RIMS1: variants seen among roughly 807,000 people sequenced by gnomAD.
The protein encoded by RIMS1 is regulating synaptic membrane exocytosis protein 1.
Under a neutral mutation model 214.1 loss-of-function variants are expected in RIMS1, and 83 were observed. The observed-to-expected ratio is 0.39, with a 90% CI of 0.32 to 0.47. The LOEUF is 0.47. Among genes scored for constraint, RIMS1 ranks in the 20% least tolerant of loss-of-function variants. The probability of loss-of-function intolerance (pLI) is 0.99; values close to 1 mark genes in which losing one functional copy is unlikely to be tolerated. For synonymous variants in RIMS1, 793 were observed against 786.8 expected (o/e 1.01, Z -0.13); for missense variants, 2,050 against 2,161.8 (o/e 0.95, Z 1.03).
At chr6:72,365,051 T>G (rs1375397114) in intron 29 of RIMS1, among the ~76,000 whole-genome samples, 2 of 152,242 alleles carry the variant, frequency 1.3e-5, no homozygotes, top group African/African-American at 4.8e-5. Context: ...TCCCGTAGTT[T>G]TCTACCCAGA....
intron 2 of RIMS1, among the ~76,000 whole-genome samples, chr6:71,973,981 C>G (rs927400581): frequency 1.3e-5 from 2 of 152,078 alleles, no homozygotes; most frequent in Non-Finnish European, 2.9e-5. Context: ...TCATGCTGTA[C>G]TGAGAGGTGG....
chr6:72,010,948 T>C (rs548302653), intron 2 of RIMS1, among the ~76,000 whole-genome samples: 51 of 152,262 alleles, frequency 3.3e-4, no homozygotes, highest in African/African-American at 1.2e-3. Flanking sequence ...AAGCTACCAA[T>C]GACTTTCTTC....
chr6:72,251,423 T>C (rs2073254048), intron 15 of RIMS1, 55 bp downstream of exon 15: 1 of 1,256,844 alleles, frequency 8.0e-7, no homozygotes, highest in Non-Finnish European at 1.1e-6. Flanking sequence ...ATGATCTAAT[T>C]AGTGATTAAT....
At chr6:72,032,059 A>G (rs1411498957) in intron 2 of RIMS1, among the ~76,000 whole-genome samples, 3 of 152,144 alleles carry the variant, frequency 2.0e-5, no homozygotes, top group African/African-American at 7.2e-5. Flanking sequence ...TGATGCATTT[A>G]TATCAGGGGA....
intron 26 of RIMS1, 62 bp from the exon 27 acceptor site, chr6:72,307,196 C>T: frequency 9.9e-7 from 1 of 1,012,608 alleles, no homozygotes; most frequent in Non-Finnish European, 1.5e-6. Flanking sequence ...AAATCTTAAA[C>T]CATTCAGTTC....
chr6:72,230,787 G>A (rs2061689932), intron 6 of RIMS1, among the ~76,000 whole-genome samples: 2 of 151,320 alleles, frequency 1.3e-5, no homozygotes, highest in Admixed American at 1.3e-4. Context: ...TTTTCACAAG[G>A]GATAGTATAA....
At chr6:72,073,413 A>G (rs758536287) in intron 2 of RIMS1, among the ~76,000 whole-genome samples, 1 of 152,232 alleles carries the variant, frequency 6.6e-6, no homozygotes, top group Non-Finnish European at 1.5e-5. Flanking sequence ...ATAAAGAGAA[A>G]AACACTGAAT....
intron 8 of RIMS1, among the ~76,000 whole-genome samples, chr6:72,236,763 A>C (rs1235322114): frequency 4.0e-5 from 6 of 148,490 alleles, no homozygotes; most frequent in Non-Finnish European, 7.4e-5. Flanking sequence ...GTACATCAAC[A>C]CTAACAATAG....
intron 2 of RIMS1, among the ~76,000 whole-genome samples, chr6:71,979,437 T>C (rs1403578089): frequency 1.3e-5 from 2 of 152,114 alleles, no homozygotes; most frequent in Non-Finnish European, 2.9e-5. Flanking sequence ...ACTCTAGACC[T>C]GAAAATCCGT....
Position 72,260,783 on chromosome 6 carries a change from T to C in RIMS1, c.3116+16T>C. 6.2e-7 allele frequency: 1 copy of C among 1,611,292 alleles called. No homozygotes were observed. The highest frequency in any genetic ancestry group is 8.5e-7 in the Non-Finnish European group (1 of 1,178,404). ...ATACTACCAGGTAAATACAGGGATT[T>C]GGTAATGGTGACTGTGTGTGATGAC... On this transcript the variant is annotated intron_variant, in intron 19 of 33. Transcript: ENST00000521978.
chr6:72,327,890 C>T (rs908668736), intron 28 of RIMS1, among the ~76,000 whole-genome samples: 5 of 151,786 alleles, frequency 3.3e-5, no homozygotes, highest in Non-Finnish European at 7.4e-5. Context: ...TCTTTCTTCT[C>T]TGGGATTCTT....
chr6:72,122,694 T>G (rs1033096051), intron 4 of RIMS1, among the ~76,000 whole-genome samples: 1 of 151,848 alleles, frequency 6.6e-6, no homozygotes, highest in Admixed American at 6.6e-5. Context: ...TTCTTCCTGG[T>G]TTAGCCTTCG....
In RIMS1 at chr6:72,256,850, A is replaced by T. The variant is rs538318186; in HGVS notation, c.2771-1275A>T. Among the ~76,000 whole-genome samples, 26 of 152,158 alleles carry T rather than the reference A, an allele frequency of 1.7e-4. No individual in the cohort carries two copies. The South Asian group carries it at 5.2e-3, about 30-fold the overall frequency. On this transcript the variant is annotated intron_variant, in intron 16 of 33. Transcript: ENST00000521978. ...TATACAAAACTCAATAGCTTAGTTGATATTTTGATAAGAAAAAATTAAAGT... is the reference window on the plus strand; with the variant it reads ...TATACAAAACTCAATAGCTTAGTTGTTATTTTGATAAGAAAAAATTAAAGT...
chr6:72,037,238 G>T (rs1819896728), intron 2 of RIMS1, among the ~76,000 whole-genome samples: 1 of 151,926 alleles, frequency 6.6e-6, no homozygotes, highest in Non-Finnish European at 1.5e-5. Context: ...GGAGCAGGTG[G>T]CACTGGGAGA....
intron 24 of RIMS1, among the ~76,000 whole-genome samples, chr6:72,284,414 C>A (rs1378008647): frequency 6.6e-6 from 1 of 152,090 alleles, no homozygotes; most frequent in Non-Finnish European, 1.5e-5. Context: ...CATATTAGGA[C>A]ATTAATATTT....
At chr6:72,367,187 G>A (rs1166898290) in intron 29 of RIMS1, among the ~76,000 whole-genome samples, 1 of 152,182 alleles carries the variant, frequency 6.6e-6, no homozygotes, top group Non-Finnish European at 1.5e-5. Context: ...TTGAAGTTGA[G>A]CAGTCCTTAA....
intron 1 of RIMS1, among the ~76,000 whole-genome samples, chr6:71,933,959 G>A (rs1245681139): frequency 6.6e-6 from 1 of 152,064 alleles, no homozygotes; most frequent in African/African-American, 2.4e-5. Context: ...GGGCCTTACT[G>A]GACTAAGGGA....
chr6:71,981,539 G>C (rs112671636), intron 2 of RIMS1, among the ~76,000 whole-genome samples: 2,490 of 152,146 alleles, frequency 0.016, 81 homozygotes, highest in African/African-American at 0.055. Context: ...CACACTCTTT[G>C]TGGTATTCAC....
chr6:72,263,366 T>C, intron 19 of RIMS1: 1 of 984,206 alleles, frequency 1.0e-6, no homozygotes, highest in African/African-American at 1.7e-5. Context: ...TGTGTACATG[T>C]TACCACACAC....
Sources: allele counts gnomAD v4.1 joint callset (sites outside exome capture counted in the v4.1 genomes callset), GRCh38; gene constraint gnomAD v4.1.1; transcripts MANE v1.5; gene names NCBI Gene and HGNC (gene_info 2026-07-23, HGNC 2026-07-21).